Variants in NRXN3 observed in about 807,000 individuals in gnomAD.
NRXN3 encodes the protein neurexin III.
A neutral mutation model predicts 137.6 loss-of-function variants in NRXN3; 32 were observed. The observed-to-expected ratio is 0.23, with a 90% CI of 0.18 to 0.31. The LOEUF is 0.31. Ranked by LOEUF, NRXN3 falls within the 10% of genes least tolerant of loss-of-function variation. The pLI is 1.00. For synonymous variants in NRXN3, 798 were observed against 784.5 expected (o/e 1.02, Z -0.29); for missense variants, 1,574 against 2,062.5 (o/e 0.76, Z 4.59).
At chr14:79,464,323 T>C (rs1600685465) in intron 15 of NRXN3, among the ~76,000 whole-genome samples, 1 of 152,196 alleles carries the variant, frequency 6.6e-6, no homozygotes, top group Admixed American at 6.5e-5. Context: ...ACATCATAAA[T>C]TCAGAATAAC....
intron 4 of NRXN3, among the ~76,000 whole-genome samples, chr14:78,450,416 G>A (rs2094523840): frequency 6.6e-6 from 1 of 152,330 alleles, no homozygotes; most frequent in Non-Finnish European, 1.5e-5. Flanking sequence ...ATGGGATGGA[G>A]GCTGGGTAGG....
intron 19 of NRXN3, among the ~76,000 whole-genome samples, chr14:79,707,826 G>A (rs567337499): frequency 2.4e-4 from 36 of 152,118 alleles, no homozygotes; most frequent in Admixed American, 1.0e-3. Flanking sequence ...CAATGAATTA[G>A]AAGAAGTAAA....
intron 15 of NRXN3, among the ~76,000 whole-genome samples, chr14:79,227,792 C>T (rs61995409): frequency 0.12 from 3,011 of 25,056 alleles, 239 homozygotes; most frequent in Middle Eastern, 0.38. Flanking sequence ...CTTCCCTCCT[C>T]CCTTCCTCCC....
intron 15 of NRXN3, among the ~76,000 whole-genome samples, chr14:79,252,472 G>T (rs1236118186): frequency 6.6e-6 from 1 of 151,960 alleles, no homozygotes; most frequent in Non-Finnish European, 1.5e-5. Flanking sequence ...ATTCTGTCAT[G>T]CCAATGATTA....
intron 16 of NRXN3, among the ~76,000 whole-genome samples, chr14:79,650,001 A>G (rs2098468598): frequency 1.3e-5 from 2 of 152,176 alleles, no homozygotes; most frequent in South Asian, 4.1e-4. Flanking sequence ...CTGTATCTTT[A>G]CATGGAGGAG....
intron 19 of NRXN3, among the ~76,000 whole-genome samples, chr14:79,735,168 C>T (rs768536183): frequency 9.9e-5 from 15 of 152,274 alleles, no homozygotes; most frequent in East Asian, 3.9e-4. Context: ...CCCTGTTATA[C>T]GGCATTTTCC....
intron 16 of NRXN3, among the ~76,000 whole-genome samples, chr14:79,556,911 A>G (rs1395040676): frequency 2.0e-5 from 3 of 152,162 alleles, no homozygotes; most frequent in African/African-American, 4.8e-5. Context: ...AACAAAGGCA[A>G]TTAAAGACCA....
intron 19 of NRXN3, among the ~76,000 whole-genome samples, chr14:79,701,841 T>C (rs1294278842): frequency 6.6e-6 from 1 of 152,086 alleles, no homozygotes; most frequent in Non-Finnish European, 1.5e-5. Flanking sequence ...GTACTTCTAG[T>C]GGCTATGTTA....
At chr14:79,365,803 G>A (rs546147855) in intron 15 of NRXN3, among the ~76,000 whole-genome samples, 3 of 147,798 alleles carry the variant, frequency 2.0e-5, no homozygotes, top group African/African-American at 7.5e-5. Context: ...GGCACAAATT[G>A]CACTAATAAC....
intron 15 of NRXN3, among the ~76,000 whole-genome samples, chr14:79,023,333 A>T (rs1595040905): frequency 6.6e-6 from 1 of 152,234 alleles, no homozygotes; most frequent in South Asian, 2.1e-4. Context: ...CCAAGCTCCA[A>T]GCTTTTGAAG....
At chr14:79,175,174 G>T (rs2062200627) in intron 15 of NRXN3, among the ~76,000 whole-genome samples, 1 of 151,998 alleles carries the variant, frequency 6.6e-6, no homozygotes, top group African/African-American at 2.4e-5. Flanking sequence ...TAGAGACAGG[G>T]TTTCACTGTG....
intron 15 of NRXN3, among the ~76,000 whole-genome samples, chr14:79,175,547 C>A (rs1261351552): frequency 6.6e-6 from 1 of 152,148 alleles, no homozygotes; most frequent in African/African-American, 2.4e-5. Context: ...ATGAATAGGA[C>A]ATCTTATTTT....
chr14:79,826,506 A>C (rs942790176), intron 20 of NRXN3, among the ~76,000 whole-genome samples: 1 of 152,168 alleles, frequency 6.6e-6, no homozygotes, highest in African/African-American at 2.4e-5. Flanking sequence ...GTAGATATGT[A>C]TTTCCCCTGA....
chr14:78,367,971 G>A (rs553878595), intron 4 of NRXN3, among the ~76,000 whole-genome samples: 2 of 152,256 alleles, frequency 1.3e-5, no homozygotes, highest in African/African-American at 4.8e-5. Flanking sequence ...CCTTTAAAAG[G>A]CCTGGTAATT....
chr14:79,839,899 A>G (rs1485165048), intron 20 of NRXN3, among the ~76,000 whole-genome samples: 1 of 152,204 alleles, frequency 6.6e-6, no homozygotes, highest in Non-Finnish European at 1.5e-5. Flanking sequence ...ACATCTACAT[A>G]TTAGAAACTG....
chr14:78,709,532 C>T lies in NRXN3; in HGVS notation c.1537C>T (p.Leu513Phe). 6.2e-7 allele frequency: 1 copy of T among 1,614,082 alleles called. No homozygotes were observed. Among genetic ancestry groups the T allele is most frequent in the Non-Finnish European group, 8.5e-7 (1 of 1,180,008 alleles). The part of the protein sequence containing the change: ...TKVDFFAVEL[L>F]DGNLYLLLDM... ...AGTAGACTTCTTTGCCGTGGAACTC[C>T]TCGATGGCAACCTGTACTTGCTGCT... The change falls in exon 7 of 21, where the codon CTC (leucine) becomes TTC (phenylalanine). Residue 513 changes from leucine to phenylalanine, a missense_variant. Leu to Phe is a conservative substitution (Grantham distance 22, BLOSUM62 0). This residue lies in a region of NRXN3 where 718 missense variants were observed against 887.6 expected (regional missense o/e 0.81). Transcript: ENST00000335750.
intron 17 of NRXN3, among the ~76,000 whole-genome samples, chr14:79,671,924 C>G (rs763478): frequency 6.6e-6 from 1 of 151,822 alleles, no homozygotes; most frequent in Admixed American, 6.6e-5. Flanking sequence ...CACATGGACA[C>G]AGGGCACATA....
chr14:78,504,513 T>A (rs1009321612), intron 4 of NRXN3, among the ~76,000 whole-genome samples: 3 of 152,170 alleles, frequency 2.0e-5, no homozygotes, highest in African/African-American at 7.2e-5. Context: ...AATGAGGAGA[T>A]AATGGTGTGT....
rs10667477 is a variant in NRXN3 at position 79,358,607 on chromosome 14, G to GAAAGATAAAGAAAGAA, written c.3263-108613_3263-108612insAAGATAAAGAAAGAAA. 2.1e-3 allele frequency among the ~76,000 whole-genome samples: 167 copies of GAAAGATAAAGAAAGAA among 79,984 alleles called. 3 individuals are homozygous for GAAAGATAAAGAAAGAA. Among genetic ancestry groups the GAAAGATAAAGAAAGAA allele is most frequent in the Non-Finnish European group, 2.7e-3 (107 of 39,158 alleles). The allele number at this position is 79,984 out of a possible 152,430, so 52.5% of individuals were successfully genotyped here. A position where few individuals can be genotyped will look rare whatever the true frequency, so the allele number is the denominator to read the frequency against. On this transcript the variant is annotated intron_variant, in intron 15 of 20. Coordinates refer to ENST00000335750, the MANE Select transcript of NRXN3 (RefSeq NM_001330195.2). ...AGAGAGAAAGAAAGAAAGAAAGAAA[G>GAAAGATAAAGAAAGAA]AGAAAGAAAGAAAGAAAGAAAGAAA...
Sources: allele counts gnomAD v4.1 joint callset (sites outside exome capture counted in the v4.1 genomes callset), GRCh38; gene constraint gnomAD v4.1.1; regional missense constraint gnomAD v4.1.1; transcripts MANE v1.5; gene names NCBI Gene and HGNC (gene_info 2026-07-23, HGNC 2026-07-21).